CD164L2: variants seen among roughly 807,000 people sequenced by gnomAD.
CD164L2 encodes CD164 sialomucin-like 2 protein.
A neutral mutation model predicts 23.9 loss-of-function variants in CD164L2; 21 were observed. The observed-to-expected ratio is 0.88, with a 90% CI of 0.62 to 1.27. The LOEUF is 1.27. CD164L2 is among the 50% of genes most tolerant of loss of function. The probability of loss-of-function intolerance (pLI) is 0.00; values close to 1 mark genes in which losing one functional copy is unlikely to be tolerated. For synonymous variants in CD164L2, 92 were observed against 90.2 expected (o/e 1.02, Z -0.11); for missense variants, 230 against 224.8 (o/e 1.02, Z -0.15).
At position 27,380,140 on chromosome 1, in the gene CD164L2, G is replaced by C; in HGVS notation, c.429C>G (p.Ile143Met). The change falls in exon 5 of 6, where the codon ATC becomes ATG. Residue 143 changes from isoleucine to methionine, a missense_variant. By Grantham distance (10) the Ile-to-Met change is conservative (BLOSUM62 1). Transcript: ENST00000374030. ...HSPGFDGASF[I>M]GGVVLVLSLQ... ...GGCTCAACACCAGCACGACACCTCC[G>C]ATAAAGCTGGCCCCGTCAAATCCAG... is the stretch of plus-strand genomic sequence containing the variant. 1 of 1,614,148 alleles carries C rather than the reference G, an allele frequency of 6.2e-7. No homozygotes were observed. Among genetic ancestry groups the C allele is most frequent in the Non-Finnish European group, 8.5e-7 (1 of 1,179,994 alleles).
At position 27,381,724 on chromosome 1, in the gene CD164L2, C is replaced by G. The variant is rs971345545; in HGVS notation, c.373+56G>C. 5.0e-6 allele frequency: 8 copies of G among 1,586,914 alleles called. No homozygotes were observed. In the Admixed American group the frequency reaches 1.4e-4, roughly 27 times the overall value. On this transcript the variant is annotated intron_variant, in intron 4 of 5. Transcript: ENST00000374030. ...AGCATGTCAGTGCCTGAGCCCAGAG[C>G]TGTCTTCCCCTGCACCTCTGCTCCT...
intron 3 of CD164L2, 81 bp downstream of exon 3, chr1:27,382,245 TGA>T: frequency 6.2e-7 from 1 of 1,613,806 alleles, no homozygotes; most frequent in Non-Finnish European, 8.5e-7. Context: ...ATCCACCGCC[TGA>T]GAGAGGCTGT....
chr1:27,382,547 C>T lies in CD164L2; in HGVS notation c.209G>A (p.Arg70His), dbSNP rs759199032. ...CTCCCACACGCAGCTGGAGAGATTG[C>T]GCGCTCCGTCTCCCTCCACGCAGTG... ...CEHCVEGDGA[R>H]NLSSCVWEQC... Residue 70 changes from arginine to histidine, a missense_variant, in exon 2 of 6, where the codon CGC becomes CAC. By Grantham distance (29) the Arg-to-His change is conservative (BLOSUM62 0). Transcript: ENST00000374030. 6.8e-6 allele frequency: 11 copies of T among 1,613,578 alleles called. No homozygotes were observed. Among genetic ancestry groups the T allele is most frequent in the East Asian group, 2.2e-5 (1 of 44,886 alleles).
intron 3 of CD164L2, 176 bp downstream of exon 3, chr1:27,382,152 T>A: frequency 6.5e-7 from 1 of 1,542,668 alleles, no homozygotes; most frequent in Non-Finnish European, 8.8e-7. Context: ...AATTTTCAGA[T>A]GAGGAAATAG....
At chr1:27,383,005 G>A in intron 1 of CD164L2, 147 bp downstream of exon 1, 4 of 664,376 alleles carry the variant, frequency 6.0e-6, no homozygotes, top group South Asian at 1.8e-5. Context: ...CACAGAGCTG[G>A]AGCCCCCTCT....
rs2016371166 is a variant in CD164L2, at chr1:27,383,047, AG to A, written c.88+104del. 3 of 946,256 alleles carry A rather than the reference AG, an allele frequency of 3.2e-6. No homozygotes were observed. In the East Asian group the frequency reaches 8.0e-5, roughly 25 times the overall value. The allele number at this position is 946,256 out of a possible 1,614,324, so 58.6% of individuals were successfully genotyped here. On this transcript the variant is annotated intron_variant, in intron 1 of 5. Transcript: ENST00000374030. Reference sequence around the variant, plus strand: ...CCTGGAGGCCTGCACTTGGCCGGAAAGCCCCCTCCCCTCAAGCCCAGGCTGC... The same window carrying A: ...CCTGGAGGCCTGCACTTGGCCGGAAACCCCCTCCCCTCAAGCCCAGGCTGC...
intron 4 of CD164L2, among the ~76,000 whole-genome samples, chr1:27,381,210 G>A (rs1172545742): frequency 3.3e-5 from 5 of 152,196 alleles, no homozygotes; most frequent in Admixed American, 6.5e-5. Context: ...AGGCTGATCC[G>A]GGGCTCCAGC....
At position 27,382,488 on chromosome 1, in the gene CD164L2, T is replaced by C; in HGVS notation, c.256+12A>G. On this transcript the variant is annotated intron_variant, in intron 2 of 5. Coordinates refer to ENST00000374030, the MANE Select transcript of CD164L2 (RefSeq NM_001330448.1). ...TGGGGGCACTCAATCTGGGGAGGGCTCAGCTCCATACCTGGCTCCTCTGGC... is the reference window on the plus strand; with the variant it reads ...TGGGGGCACTCAATCTGGGGAGGGCCCAGCTCCATACCTGGCTCCTCTGGC... 6.3e-7 allele frequency: 1 copy of C among 1,595,410 alleles called. No individual in the cohort carries two copies. The highest frequency in any genetic ancestry group is 8.6e-7 in the Non-Finnish European group (1 of 1,167,980).
At chr1:27,380,809 C>G (rs1232940236) in intron 4 of CD164L2, among the ~76,000 whole-genome samples, 1 of 152,204 alleles carries the variant, frequency 6.6e-6, no homozygotes. Flanking sequence ...ACAGGCTTGG[C>G]CAAAGTCACC....
chr1:27,383,074 T>A (rs2016371754), intron 1 of CD164L2, 78 bp downstream of exon 1: 2 of 1,257,364 alleles, frequency 1.6e-6, no homozygotes, highest in Non-Finnish European at 2.2e-6. Context: ...CCCAGGCTGC[T>A]CCTGGGGAGA....
In CD164L2 at chr1:27,383,147, G is replaced by A. The variant is rs2016373117; in HGVS notation, c.88+5C>T. On this transcript the variant is annotated splice_donor_5th_base_variant and intron_variant, in intron 1 of 5. Transcript: ENST00000374030. ...AGCCCCTAGCCAGACCCTGCCGCGA[G>A]TTACCAGCCACAGCCAGCTGGGCAC... 2.6e-6 allele frequency: 4 copies of A among 1,547,616 alleles called. No individual in the cohort carries two copies. Among genetic ancestry groups the A allele is most frequent in the East Asian group, 2.4e-5 (1 of 40,902 alleles).
Position 27,382,536 on chromosome 1 carries a change from T to A in CD164L2, c.220A>T (p.Ser74Cys). 6.2e-7 allele frequency: 1 copy of A among 1,613,538 alleles called. No homozygotes were observed. Among genetic ancestry groups the A allele is most frequent in the South Asian group, 1.1e-5 (1 of 91,034 alleles). Residue 74 changes from serine (S) to cysteine (C), a missense_variant, in exon 2 of 6, where the codon AGC (serine) becomes TGC (cysteine). Coordinates refer to ENST00000374030, the MANE Select transcript of CD164L2 (RefSeq NM_001330448.1). Reference protein sequence around the residue: ...VEGDGARNLSSCVWEQCRPEE... With the variant: ...VEGDGARNLSCCVWEQCRPEE... Reference sequence around the variant, plus strand: ...GGCCGGCACTGCTCCCACACGCAGCTGGAGAGATTGCGCGCTCCGTCTCCC... The same window carrying A: ...GGCCGGCACTGCTCCCACACGCAGCAGGAGAGATTGCGCGCTCCGTCTCCC...
rs199793043 is a variant in CD164L2, at chr1:27,379,468, C to T, written c.*35G>A. On this transcript the variant is annotated 3_prime_UTR_variant, in exon 6 of 6. Transcript: ENST00000374030. ...CCCAGAGGCCACCCTCTGCATCCTC[C>T]TTTCCCCTCAGGATGGAGTCCAGGC... 4.7e-4 allele frequency: 732 copies of T among 1,542,030 alleles called. 2 individuals are homozygous for T. In the African/African-American group the frequency reaches 8.0e-3, roughly 17 times the overall value.
At chr1:27,383,040 G>T in intron 1 of CD164L2, 112 bp downstream of exon 1, 2 of 876,160 alleles carry the variant, frequency 2.3e-6, no homozygotes, top group Non-Finnish European at 3.6e-6. Context: ...CCTGCACTTG[G>T]CCGGAAAGCC....
chr1:27,382,028 T>C, intron 3 of CD164L2: 5 of 1,446,732 alleles, frequency 3.5e-6, no homozygotes, highest in Non-Finnish European at 4.6e-6. Context: ...TCATTACTGA[T>C]GCCACCTCCT....
chr1:27,379,561 A>C (rs2148076274), intron 5 of CD164L2, 52 bp from the exon 6 acceptor site: 1 of 1,550,626 alleles, frequency 6.4e-7, no homozygotes, highest in South Asian at 1.2e-5. Flanking sequence ...TCAGCCAGCC[A>C]AGGACCCCCT....
intron 4 of CD164L2, 110 bp from the exon 5 acceptor site, chr1:27,380,305 G>A (rs2016313776): frequency 9.8e-7 from 1 of 1,024,798 alleles, no homozygotes; most frequent in Non-Finnish European, 1.4e-6. Flanking sequence ...CTCAATATGG[G>A]GTGCTTAAAC....
chr1:27,382,583 T>C lies in CD164L2; in HGVS notation c.173A>G (p.Glu58Gly), dbSNP rs747083294. 6.2e-7 allele frequency: 1 copy of C among 1,613,536 alleles called. No homozygotes were observed. ...TCCCTCCACGCAGTGCTCACAGACC[T>C]CCAGCTGTTTGCAGGCCCCTTGGAC... ...PAVQGACKQL[E>G]VCEHCVEGDG... The change falls in exon 2 of 6, where the codon GAG becomes GGG. Residue 58 changes from glutamate (E) to glycine (G), a missense_variant. Coordinates refer to ENST00000374030, the MANE Select transcript of CD164L2 (RefSeq NM_001330448.1).
chr1:27,379,597 G>A lies in CD164L2; in HGVS notation c.519-88C>T. The A allele has an allele frequency of 1.1e-5, 17 of 1,550,212 alleles. No homozygotes were observed. The South Asian group carries it at 1.5e-4, about 14-fold the overall frequency. On this transcript the variant is annotated intron_variant, in intron 5 of 5. Coordinates refer to ENST00000374030, the MANE Select transcript of CD164L2 (RefSeq NM_001330448.1). ...GCCTCGAGAGGAGGCAGCAGAGGAAGAGCAAACACTTTAACACAGGCTGTG... is the reference window on the plus strand; with the variant it reads ...GCCTCGAGAGGAGGCAGCAGAGGAAAAGCAAACACTTTAACACAGGCTGTG...
Sources: gnomAD v4.1 joint callset for allele counts (sites outside exome capture counted in the v4.1 genomes callset) on GRCh38, gnomAD v4.1.1 for gene constraint, MANE v1.5 for transcripts, NCBI Gene and HGNC (gene_info 2026-07-23, HGNC 2026-07-21) for gene names.